NAT10: variants seen among roughly 807,000 people sequenced by gnomAD.
NAT10 encodes the protein N-acetyltransferase 10.
A neutral mutation model predicts 132.2 loss-of-function variants in NAT10; 109 were observed. The ratio of observed to expected loss-of-function variants is 0.82; its 90% CI spans 0.71 to 0.97. NAT10 has a LOEUF of 0.97. Among genes scored for constraint, NAT10 ranks in the 50% least tolerant of loss-of-function variants. NAT10 has a pLI of 0.00. For missense variants in NAT10, 1,184 were observed against 1,263.4 expected (o/e 0.94, Z 0.95); for synonymous variants, 479 against 478.0 (o/e 1.00, Z -0.03).
Position 34,146,176 on chromosome 11 carries a change from T to G in NAT10, c.3062T>G (p.Leu1021Arg). ...ACAAAGAACAAAAAAGATATGAAAC[T>G]GAAGCGGAAGAAATAGTGAAGAGAA... The part of the protein sequence containing the change: ...RETKNKKDMK[L>R]KRKK Residue 1021 changes from leucine (L) to arginine (R), a missense_variant, in exon 29 of 29, where the codon CTG becomes CGG. By Grantham distance (102) the Leu-to-Arg change is moderately radical. Transcript: ENST00000257829. 2 of 1,603,652 alleles carry G rather than the reference T, an allele frequency of 1.2e-6. No homozygotes were observed. Among genetic ancestry groups the G allele is most frequent in the Non-Finnish European group, 1.7e-6 (2 of 1,174,638 alleles).
Position 34,106,614 on chromosome 11 carries a change from G to A in NAT10, c.-16+822G>A, listed in dbSNP as rs147190845. On this transcript the variant is annotated intron_variant, in intron 1 of 28. Coordinates refer to ENST00000257829, the MANE Select transcript of NAT10 (RefSeq NM_024662.3). ...TGATTGATTTTTGCGGGATCTTTAT[G>A]TGGCCGGCAACACAAGGTTTACAAG... is the stretch of plus-strand genomic sequence containing the variant. Among the ~76,000 whole-genome samples the A allele has an allele frequency of 4.3e-4, 66 of 152,178 alleles. 1 individual carries two copies. The highest frequency in any genetic ancestry group is 1.5e-3 in the African/African-American group (63 of 41,430).
intron 26 of NAT10, 91 bp from the exon 27 acceptor site, chr11:34,142,184 C>A: frequency 8.4e-7 from 1 of 1,188,414 alleles, no homozygotes; most frequent in Non-Finnish European, 1.2e-6. Context: ...GTTTTCTCAT[C>A]ATTGTGCCAT....
chr11:34,132,290 G>T, intron 15 of NAT10, 69 bp downstream of exon 15: 1 of 1,266,074 alleles, frequency 7.9e-7, no homozygotes, highest in South Asian at 1.2e-5. Context: ...CCTTTTACTT[G>T]ATTTGCATAT....
rs1456362733 is a variant in NAT10 at position 34,140,426 on chromosome 11, C to G, written c.2446C>G (p.Leu816Val). The stretch of plus-strand genomic sequence containing the variant: ...CCTGAGCCGGGAGGAGCTGGAAGCA[C>G]TCTTCCTCCCCTATGACCTGAAGCG... ...PALSREELEALFLPYDLKRLE... is the reference protein window; with the variant it reads ...PALSREELEAVFLPYDLKRLE... The change falls in exon 24 of 29, where the codon CTC becomes GTC. Residue 816 changes from leucine (L) to valine (V), a missense_variant. Physicochemically the swap from Leu to Val is conservative, Grantham distance 32. Coordinates refer to ENST00000257829, the MANE Select transcript of NAT10 (RefSeq NM_024662.3). The G allele has an allele frequency of 2.5e-6, 4 of 1,614,008 alleles. No homozygotes were observed. Among genetic ancestry groups the G allele is most frequent in the Non-Finnish European group, 3.4e-6 (4 of 1,179,872 alleles).
intron 6 of NAT10, among the ~76,000 whole-genome samples, chr11:34,117,345 G>A (rs1485559275): frequency 6.6e-6 from 1 of 152,190 alleles, no homozygotes; most frequent in Non-Finnish European, 1.5e-5. Flanking sequence ...GTCTGGAAAT[G>A]TTTTGATCGT....
chr11:34,131,451 G>A lies in NAT10; in HGVS notation c.1440G>A (p.Trp480Ter). 1 of 1,614,144 alleles carries A rather than the reference G, an allele frequency of 6.2e-7. No individual in the cohort carries two copies. Among genetic ancestry groups the A allele is most frequent in the South Asian group, 1.1e-5 (1 of 91,080 alleles). Residue 480 changes from tryptophan (W) to a stop codon, truncating the protein, a stop_gained, in exon 14 of 29, where the codon TGG becomes TGA. Transcript: ENST00000257829. LOFTEE classifies it high-confidence loss of function. ...RYAPGDAVEK[W>*]LNDLLCLDCL... The stretch of plus-strand genomic sequence containing the variant: ...CCCCTGGGGATGCAGTGGAGAAGTG[G>A]CTGAATGACTTGCTGTGCCTGGATT...
chr11:34,136,661 A>G lies in NAT10; in HGVS notation c.2048A>G (p.Glu683Gly), dbSNP rs749405641. The G allele has an allele frequency of 1.4e-5, 22 of 1,613,972 alleles. No individual in the cohort carries two copies. The highest frequency in any genetic ancestry group is 5.0e-5 in the Admixed American group (3 of 59,990). ...TCCCAGGCTGTCAGCTTGTTGGAAG[A>G]GGTCATCACTCCCCGGAAGGACCTG... Reference protein sequence around the residue: ...VSSEAVSLLEEVITPRKDLPP... With the variant: ...VSSEAVSLLEGVITPRKDLPP... The change falls in exon 20 of 29, where the codon GAG becomes GGG. Residue 683 changes from glutamate to glycine, a missense_variant. Coordinates refer to ENST00000257829, the MANE Select transcript of NAT10 (RefSeq NM_024662.3).
intron 6 of NAT10, 38 bp from the exon 7 acceptor site, chr11:34,118,142 C>T (rs1287701025): frequency 2.0e-6 from 3 of 1,498,842 alleles, no homozygotes; most frequent in South Asian, 1.1e-5. Flanking sequence ...CATTGCATGC[C>T]CTCCCCAACA....
rs1425219422 is a variant in NAT10, at chr11:34,124,418, A to C, written c.1107+18A>C. On this transcript the variant is annotated intron_variant, in intron 11 of 28. Transcript: ENST00000257829. ...CTATTCAGGTGAGGCTTGTTCTCAG[A>C]CCCTGATGTGCAGGGCCAGTGTCTT... 1 of 1,578,694 alleles carries C rather than the reference A, an allele frequency of 6.3e-7. No homozygotes were observed. Among genetic ancestry groups the C allele is most frequent in the Admixed American group, 1.7e-5 (1 of 59,634 alleles).
At chr11:34,111,552 A>G (rs188361804) in intron 3 of NAT10, among the ~76,000 whole-genome samples, 1 of 152,318 alleles carries the variant, frequency 6.6e-6, no homozygotes, top group Non-Finnish European at 1.5e-5. Flanking sequence ...GTCCTGTATC[A>G]TTATTGTCTT....
In NAT10 at chr11:34,105,797, C is replaced by G. The variant is rs1851583695; in HGVS notation, c.-16+5C>G. On this transcript the variant is annotated splice_donor_5th_base_variant and intron_variant, in intron 1 of 28. Transcript: ENST00000257829. ...TCCCCCGGGCTCGGGGCGCAGGTAC[C>G]CAACGCGGGAGGGCCGGGTATGGAT... The G allele has an allele frequency of 6.6e-6, 1 of 152,428 alleles. No homozygotes were observed. The highest frequency in any genetic ancestry group is 1.5e-5 in the Non-Finnish European group (1 of 68,194). 9.4% of individuals were successfully genotyped at this position (152,428 alleles called of 1,614,324 possible). A position where few individuals can be genotyped will look rare whatever the true frequency, so the allele number is the denominator to read the frequency against.
At chr11:34,117,945 C>T (rs1378381169) in intron 6 of NAT10, among the ~76,000 whole-genome samples, 1 of 152,002 alleles carries the variant, frequency 6.6e-6, no homozygotes, top group Non-Finnish European at 1.5e-5. Flanking sequence ...AGGAGGGCTT[C>T]TAATTGATCT....
intron 5 of NAT10, among the ~76,000 whole-genome samples, chr11:34,115,610 A>G (rs1055667964): frequency 1.3e-5 from 2 of 152,218 alleles, no homozygotes; most frequent in Non-Finnish European, 2.9e-5. Context: ...TGCTAGGAAA[A>G]ATGTGGAAAA....
chr11:34,115,574 A>G (rs941180336), intron 5 of NAT10, among the ~76,000 whole-genome samples: 1 of 152,262 alleles, frequency 6.6e-6, no homozygotes, highest in Non-Finnish European at 1.5e-5. Context: ...TGCCAATTTT[A>G]TGAAATAAAT....
chr11:34,119,110 A>AAT (rs1461554623), intron 8 of NAT10, among the ~76,000 whole-genome samples: 10 of 152,218 alleles, frequency 6.6e-5, no homozygotes, highest in Non-Finnish European at 1.3e-4. Context: ...CTCTGGGGTA[A>AAT]TACGTACCTG....
Position 34,112,075 on chromosome 11 carries a change from A to G in NAT10, c.224A>G (p.Gln75Arg). 6.2e-7 allele frequency: 1 copy of G among 1,614,224 alleles called. No homozygotes were observed. Reference protein sequence around the residue: ...FSSHRKKRMRQLQKKIKNGTL... With the variant: ...FSSHRKKRMRRLQKKIKNGTL... ...AGTCACCGGAAGAAAAGAATGCGAC[A>G]GCTGCAGAAGAAAATAAAGAATGGA... Residue 75 changes from glutamine (Q) to arginine (R), a missense_variant, in exon 4 of 29, where the codon CAG becomes CGG. Physicochemically the swap from Gln to Arg is conservative, Grantham distance 43. Transcript: ENST00000257829.
At chr11:34,134,217 G>A in intron 16 of NAT10, 102 bp from the exon 17 acceptor site, 1 of 945,528 alleles carries the variant, frequency 1.1e-6, no homozygotes. Context: ...TGAACATGGG[G>A]GTGGAAACAA....
chr11:34,127,555 C>T lies in NAT10; in HGVS notation c.1200C>T (p.Ser400=), dbSNP rs767006847. The stretch of plus-strand genomic sequence containing the variant: ...CCATCCCCCTCCCCTTGGTGAAGAG[C>T]CTACTTGGCCCCTACCTTGTTTTCA... ...AAAIPLPLVK[S]LLGPYLVFMA... The change falls in exon 12 of 29, where the codon AGC becomes AGT. Residue 400 remains serine (S), a synonymous_variant. Coordinates refer to ENST00000257829, the MANE Select transcript of NAT10 (RefSeq NM_024662.3). 1 of 1,613,990 alleles carries T rather than the reference C, an allele frequency of 6.2e-7. No individual in the cohort carries two copies.
At position 34,108,074 on chromosome 11, in the gene NAT10, G is replaced by A. The variant is rs2134149826; in HGVS notation, c.-15-137G>A. On this transcript the variant is annotated intron_variant, in intron 1 of 28. Transcript: ENST00000257829. ...TAAAACTAGAGGCTGATGTCTTCCT[G>A]TGGAGCTCGTAGAGGGTTAAGTAAG... The A allele has an allele frequency of 5.2e-6, 3 of 574,944 alleles. No homozygotes were observed. The East Asian group carries it at 8.9e-5, about 17-fold the overall frequency. 35.6% of individuals were successfully genotyped at this position (574,944 alleles called of 1,614,324 possible). A position where few individuals can be genotyped will look rare whatever the true frequency, so the allele number is the denominator to read the frequency against.
Sources: gnomAD v4.1 joint callset for allele counts (sites outside exome capture counted in the v4.1 genomes callset) on GRCh38, gnomAD v4.1.1 for gene constraint, MANE v1.5 for transcripts, NCBI Gene and HGNC (gene_info 2026-07-23, HGNC 2026-07-21) for gene names.